LCOR: variants seen among roughly 807,000 people sequenced by gnomAD.
LCOR encodes ligand-dependent corepressor.
A neutral mutation model predicts 64.4 loss-of-function variants in LCOR; 14 were observed. The ratio of observed to expected loss-of-function variants is 0.22; its 90% CI spans 0.14 to 0.34. LCOR has a LOEUF of 0.34. Among genes scored for constraint, LCOR ranks in the 10% least tolerant of loss-of-function variants. The pLI, the probability that LCOR is intolerant of heterozygous loss-of-function variation, is 1.00. For synonymous variants in LCOR, 643 were observed against 642.5 expected, an observed-to-expected ratio of 1.00 and a Z score of -0.01; for missense variants, 1,686 against 1,765.3, an observed-to-expected ratio of 0.96 and a Z score of 0.80.
At chr10:96,871,054 AAT>A (rs2134405631) in intron 2 of LCOR, among the ~76,000 whole-genome samples, 1 of 152,206 alleles carries the variant, frequency 6.6e-6, no homozygotes, top group Non-Finnish European at 1.5e-5. Flanking sequence ...TTAAGTTTCA[AAT>A]ATGTGTGTGT....
intron 7 of LCOR, among the ~76,000 whole-genome samples, chr10:96,966,482 C>G (rs1295069871): frequency 1.3e-5 from 2 of 152,114 alleles, no homozygotes; most frequent in African/African-American, 2.4e-5. Flanking sequence ...CCCGTCTCGG[C>G]CTCCCAAAGT....
At chr10:96,958,350 T>C in intron 7 of LCOR, 1 of 1,532,722 alleles carries the variant, frequency 6.5e-7, no homozygotes, top group Non-Finnish European at 8.7e-7. Context: ...GTAAATTTTG[T>C]CATTGTAGTG....
intron 5 of LCOR, among the ~76,000 whole-genome samples, chr10:96,948,538 T>C (rs1338672839): frequency 6.6e-6 from 1 of 152,236 alleles, no homozygotes; most frequent in East Asian, 1.9e-4. Context: ...GTATCTCCTT[T>C]TATAATCTTG....
chr10:96,862,795 T>C (rs964674763), intron 2 of LCOR, among the ~76,000 whole-genome samples: 4 of 152,172 alleles, frequency 2.6e-5, no homozygotes, highest in African/African-American at 9.7e-5. Flanking sequence ...TTTTAGGAGT[T>C]AAAGAGGGTC....
At chr10:96,927,618 A>G (rs911080708) in intron 4 of LCOR, among the ~76,000 whole-genome samples, 1 of 152,074 alleles carries the variant, frequency 6.6e-6, no homozygotes, top group African/African-American at 2.4e-5. Flanking sequence ...TCTCTGATCC[A>G]TTTCTATTTA....
intron 7 of LCOR, chr10:96,962,593 C>A (rs1344400087): frequency 6.6e-6 from 1 of 151,986 alleles, no homozygotes; most frequent in Non-Finnish European, 1.5e-5. Flanking sequence ...AAGTCTAATC[C>A]TATATTACTA....
chr10:96,873,436 T>A (rs1479324673), intron 2 of LCOR, among the ~76,000 whole-genome samples: 1 of 152,160 alleles, frequency 6.6e-6, no homozygotes, highest in East Asian at 1.9e-4. Context: ...TTATTTTAGT[T>A]TTATTCTCTC....
rs142577285 is a variant in LCOR at position 96,912,627 on chromosome 10, C to T, written c.-184+4880C>T. On this transcript the variant is annotated intron_variant, in intron 4 of 7. Coordinates refer to ENST00000421806, the MANE Select transcript of LCOR (RefSeq NM_001346516.2). ...TCCTTTCTTCCTTCCTTCCTTCCTT[C>T]CTTCCTTCCTTCCTTCCTTTCCTTC... Among the ~76,000 whole-genome samples, 492 of 151,350 alleles carry T rather than the reference C, an allele frequency of 3.3e-3. 1 individual carries two copies. The highest frequency in any genetic ancestry group is 5.5e-3 in the Non-Finnish European group (373 of 67,802).
Position 96,832,850 on chromosome 10 carries a change from G to A in LCOR, c.-404+451G>A, listed in dbSNP as rs527892949. 4.9e-3 allele frequency: 1,621 copies of A among 331,730 alleles called. 7 individuals carry two copies. Among genetic ancestry groups the A allele is most frequent in the Middle Eastern group, 0.018 (12 of 652 alleles). The allele number at this position is 331,730 out of a possible 1,614,324, so 20.5% of individuals were successfully genotyped here. A position where few individuals can be genotyped will look rare whatever the true frequency, so the allele number is the denominator to read the frequency against. ...CTCGGCCCCCACCCGCGCTGTGGCC[G>A]CCGCCGTCCTCCTCCTGCGCCACCC... is the stretch of plus-strand genomic sequence containing the variant. On this transcript the variant is annotated intron_variant, in intron 1 of 7. Coordinates refer to ENST00000421806, the MANE Select transcript of LCOR (RefSeq NM_001346516.2).
intron 2 of LCOR, among the ~76,000 whole-genome samples, chr10:96,899,637 T>A (rs1450857794): frequency 6.6e-6 from 1 of 151,652 alleles, no homozygotes; most frequent in East Asian, 1.9e-4. Context: ...AAATTAAATT[T>A]ATTTTCTCTG....
At chr10:96,895,310 A>G (rs1228553341) in intron 2 of LCOR, among the ~76,000 whole-genome samples, 1 of 152,178 alleles carries the variant, frequency 6.6e-6, no homozygotes, top group East Asian at 1.9e-4. Context: ...TTCACAGACC[A>G]AAAGTGTAAG....
intron 4 of LCOR, among the ~76,000 whole-genome samples, chr10:96,936,126 A>T (rs1328016255): frequency 1.3e-5 from 2 of 152,388 alleles, no homozygotes; most frequent in East Asian, 1.9e-4. Flanking sequence ...CTGGGGTTGG[A>T]GCAAACCTCA....
rs140157079 is a variant in LCOR, at chr10:96,884,552, A to C, written c.-329-22713A>C. Among the ~76,000 whole-genome samples the C allele has an allele frequency of 3.9e-3, 593 of 152,284 alleles. 5 individuals carry two copies. The highest frequency in any genetic ancestry group is 0.029 in the South Asian group (142 of 4,830). Reference sequence around the variant, plus strand: ...GGGGGTGCAGTGTCTCTAGGACAGCACTTCTCAAACTTCAGTAAACATAAG... The same window carrying C: ...GGGGGTGCAGTGTCTCTAGGACAGCCCTTCTCAAACTTCAGTAAACATAAG... On this transcript the variant is annotated intron_variant, in intron 2 of 7. Coordinates refer to ENST00000421806, the MANE Select transcript of LCOR (RefSeq NM_001346516.2).
intron 2 of LCOR, among the ~76,000 whole-genome samples, chr10:96,839,963 G>T (rs1032963480): frequency 2.6e-5 from 4 of 152,202 alleles, no homozygotes; most frequent in African/African-American, 9.7e-5. Flanking sequence ...TTACAGGTGT[G>T]AGCCACCACC....
At chr10:96,956,533 T>C (rs1847786773) in intron 7 of LCOR, 1 of 984,634 alleles carries the variant, frequency 1.0e-6, no homozygotes, top group Non-Finnish European at 1.2e-6. Context: ...TTCTTCTCAC[T>C]ATTAAATTTA....
intron 1 of LCOR, among the ~76,000 whole-genome samples, chr10:96,832,687 G>C (rs1845361860): frequency 6.7e-6 from 1 of 150,044 alleles, no homozygotes; most frequent in African/African-American, 2.4e-5. Context: ...ATCCCCGCCT[G>C]CTCGCTCCCC....
intron 7 of LCOR, among the ~76,000 whole-genome samples, chr10:96,968,094 T>G (rs1304442229): frequency 6.6e-6 from 1 of 152,202 alleles, no homozygotes; most frequent in Non-Finnish European, 1.5e-5. Context: ...AAATTTACCA[T>G]CTTAGTCATT....
rs767628050 is a variant in LCOR at position 96,982,317 on chromosome 10, T to C, written c.1857T>C (p.Pro619=). 3 of 1,614,170 alleles carry C rather than the reference T, an allele frequency of 1.9e-6. No individual in the cohort carries two copies. Among genetic ancestry groups the C allele is most frequent in the Non-Finnish European group, 8.5e-7 (1 of 1,180,034 alleles). ...EETTASSLVW[P]LPAHLPEEDL... is the part of the protein sequence containing the mutation. ...CGACAGCCTCCAGCCTGGTGTGGCC[T>C]CTCCCTGCTCACCTTCCTGAAGAGG... is the stretch of plus-strand genomic sequence containing the variant. The change falls in exon 8 of 8, where the codon CCT becomes CCC. Residue 619 remains proline (P), a synonymous_variant. Coordinates refer to ENST00000421806, the MANE Select transcript of LCOR (RefSeq NM_001346516.2).
chr10:96,875,415 A>G (rs976051423), intron 2 of LCOR, among the ~76,000 whole-genome samples: 1 of 151,942 alleles, frequency 6.6e-6, no homozygotes, highest in Non-Finnish European at 1.5e-5. Flanking sequence ...ATAAAACAGA[A>G]CATAGTTTTT....
Sources: gnomAD v4.1 joint callset for allele counts (sites outside exome capture counted in the v4.1 genomes callset) on GRCh38, gnomAD v4.1.1 for gene constraint, MANE v1.5 for transcripts, NCBI Gene and HGNC (gene_info 2026-07-23, HGNC 2026-07-21) for gene names.